FSTL4: variants seen among roughly 807,000 people sequenced by gnomAD.
FSTL4 encodes the protein follistatin-related protein 4.
Under a neutral mutation model 78.2 loss-of-function variants are expected in FSTL4, and 28 were observed. That is an observed-to-expected ratio of 0.36 (90% CI 0.27 to 0.49). The LOEUF is 0.49. FSTL4 is among the 20% of genes least tolerant of loss of function. The pLI, the probability that FSTL4 is intolerant of heterozygous loss-of-function variation, is 0.98. For synonymous variants in FSTL4, 422 were observed against 440.5 expected, an observed-to-expected ratio of 0.96 and a Z score of 0.53; for missense variants, 922 against 1,084.9, an observed-to-expected ratio of 0.85 and a Z score of 2.11.
chr5:133,553,616 G>T (rs1759731175), intron 3 of FSTL4, among the ~76,000 whole-genome samples: 1 of 152,148 alleles, frequency 6.6e-6, no homozygotes, highest in Admixed American at 6.5e-5. Context: ...TTGGACTATT[G>T]TGAGTGTTAA....
chr5:133,542,820 C>T (rs1759503543), intron 3 of FSTL4, among the ~76,000 whole-genome samples: 1 of 151,284 alleles, frequency 6.6e-6, no homozygotes, highest in South Asian at 2.1e-4. Flanking sequence ...TTCCCTCCTC[C>T]TCCCTCTCTC....
chr5:133,825,694 A>G, the FSTL4 span, among the ~76,000 whole-genome samples: 5 of 152,330 alleles, frequency 3.3e-5, no homozygotes, highest in Middle Eastern at 0.017. Flanking sequence ...CTGGCGTCCC[A>G]TGCTTGAGTG....
chr5:133,699,745 G>A, the FSTL4 span, among the ~76,000 whole-genome samples: 1 of 152,018 alleles, frequency 6.6e-6, no homozygotes, highest in African/African-American at 2.4e-5. Context: ...GCCAGGTGCA[G>A]TGGCGGGCAC....
At chr5:133,581,073 A>G (rs868300989) in intron 2 of FSTL4, among the ~76,000 whole-genome samples, 2 of 152,212 alleles carry the variant, frequency 1.3e-5, no homozygotes, top group Non-Finnish European at 2.9e-5. Context: ...ATCCCCATAC[A>G]CACTTTGATT....
chr5:133,351,698 C>T (rs918892802), intron 4 of FSTL4, among the ~76,000 whole-genome samples: 1 of 152,100 alleles, frequency 6.6e-6, no homozygotes, highest in Non-Finnish European at 1.5e-5. Context: ...ACCTTCACCT[C>T]CTGGGTTCAA....
chr5:133,821,840 G>A, the FSTL4 span, among the ~76,000 whole-genome samples: 1 of 152,162 alleles, frequency 6.6e-6, no homozygotes, highest in Admixed American at 6.5e-5. Flanking sequence ...GAGAAAAGGA[G>A]ACTGGTCGGA....
chr5:133,426,980 T>C lies in FSTL4; in HGVS notation c.161-25994A>G, dbSNP rs1383719875. 6.6e-6 allele frequency among the ~76,000 whole-genome samples: 1 copy of C among 152,224 alleles called. No homozygotes were observed. Among genetic ancestry groups the C allele is most frequent in the Non-Finnish European group, 1.5e-5 (1 of 68,042 alleles). On this transcript the variant is annotated intron_variant, in intron 3 of 15. Transcript: ENST00000265342. This position sits in a 1 kb window ranked among gnomAD's most constrained non-coding sequence, Gnocchi z 5.0. ...AATGCCCAACGGCCCAGAGGAATTT[T>C]GGTTTATCAAACCTTGAAATACCCC...
the FSTL4 span, among the ~76,000 whole-genome samples, chr5:133,759,089 C>T: frequency 6.6e-6 from 1 of 152,188 alleles, no homozygotes; most frequent in African/African-American, 2.4e-5. Context: ...TAAGGGTCCA[C>T]CCTTTGAAGG....
At chr5:133,485,140 C>A (rs1233977903) in intron 3 of FSTL4, among the ~76,000 whole-genome samples, 1 of 152,168 alleles carries the variant, frequency 6.6e-6, no homozygotes, top group African/African-American at 2.4e-5. Context: ...TTTCTCTGTC[C>A]AGAAAATAAT....
At chr5:133,774,703 C>G in the FSTL4 span, among the ~76,000 whole-genome samples, 4 of 152,184 alleles carry the variant, frequency 2.6e-5, no homozygotes, top group African/African-American at 9.7e-5. Context: ...GCCATCTTAT[C>G]TACTTATAGA....
intron 4 of FSTL4, among the ~76,000 whole-genome samples, chr5:133,388,886 C>T (rs1755771408): frequency 1.3e-5 from 2 of 151,264 alleles, no homozygotes; most frequent in Admixed American, 1.3e-4. Context: ...ATTTGGGGAG[C>T]GGTTTTCAAG....
chr5:133,488,121 G>C (rs1758173727), intron 3 of FSTL4, among the ~76,000 whole-genome samples: 1 of 152,178 alleles, frequency 6.6e-6, no homozygotes, highest in African/African-American at 2.4e-5. Flanking sequence ...GAGCTAATTT[G>C]AATATCTGCT....
At chr5:133,413,771 G>A (rs1018205285) in intron 3 of FSTL4, among the ~76,000 whole-genome samples, 15 of 151,662 alleles carry the variant, frequency 9.9e-5, no homozygotes, top group African/African-American at 2.9e-4. Flanking sequence ...TTTCAAATCC[G>A]TCTTCCAGCT....
chr5:133,840,336 T>G, the FSTL4 span, among the ~76,000 whole-genome samples: 7 of 152,216 alleles, frequency 4.6e-5, no homozygotes, highest in Admixed American at 4.6e-4. Context: ...AGGTTCAGAT[T>G]GTGTAAGGAG....
intron 11 of FSTL4, among the ~76,000 whole-genome samples, chr5:133,222,447 C>T (rs149314684): frequency 1.1e-3 from 171 of 152,302 alleles, no homozygotes; most frequent in South Asian, 4.6e-3. Context: ...TACTCTTTCA[C>T]CTGACAAACT....
the FSTL4 span, among the ~76,000 whole-genome samples, chr5:133,668,201 T>G: frequency 3.9e-5 from 6 of 152,174 alleles, no homozygotes; most frequent in African/African-American, 1.4e-4. Context: ...GGCACGCTTA[T>G]GGACTGGTCA....
At chr5:133,325,793 C>T (rs1210621439) in intron 4 of FSTL4, among the ~76,000 whole-genome samples, 1 of 30,904 alleles carries the variant, frequency 3.2e-5, no homozygotes, top group African/African-American at 1.0e-4. Context: ...CACCTGAGAA[C>T]CCCCCCAGAG....
intron 4 of FSTL4, among the ~76,000 whole-genome samples, chr5:133,355,439 T>C (rs758672778): frequency 6.6e-6 from 1 of 152,120 alleles, no homozygotes; most frequent in Non-Finnish European, 1.5e-5. Context: ...GGGTGGATCA[T>C]GAGGTCAAGA....
intron 3 of FSTL4, among the ~76,000 whole-genome samples, chr5:133,526,291 C>T (rs770075451): frequency 3.3e-5 from 5 of 152,042 alleles, no homozygotes; most frequent in Non-Finnish European, 7.4e-5. Flanking sequence ...GCCTCATTAT[C>T]AAGCACTGGA....
Sources: gnomAD v4.1 joint callset for allele counts (sites outside exome capture counted in the v4.1 genomes callset) on GRCh38, gnomAD v4.1.1 for gene constraint, Gnocchi (gnomAD v3.1) non-coding constraint, MANE v1.5 for transcripts, NCBI Gene and HGNC (gene_info 2026-07-23, HGNC 2026-07-21) for gene names.